Variants in ADAMTSL1 observed in about 807,000 individuals in gnomAD.
The protein encoded by ADAMTSL1 is ADAMTS like 1.
ADAMTSL1 carries 126 observed loss-of-function variants against 201.8 expected under a neutral mutation model. The ratio of observed to expected loss-of-function variants is 0.62; its 90% CI spans 0.54 to 0.72. ADAMTSL1 has a LOEUF of 0.72. Ranked by LOEUF, ADAMTSL1 falls within the 30% of genes least tolerant of loss-of-function variation. The pLI is 0.00. For synonymous variants in ADAMTSL1, 1,121 were observed against 903.4 expected (o/e 1.24, Z -4.32); for missense variants, 2,679 against 2,277.8 (o/e 1.18, Z -3.59).
chr9:18,804,214 G>A (rs1174110085), intron 20 of ADAMTSL1, among the ~76,000 whole-genome samples: 3 of 152,144 alleles, frequency 2.0e-5, no homozygotes, highest in African/African-American at 4.8e-5. Context: ...GTTGAAAATT[G>A]ACTCTGTTGT....
At chr9:18,694,167 T>A (rs1170321051) in intron 13 of ADAMTSL1, among the ~76,000 whole-genome samples, 3 of 152,118 alleles carry the variant, frequency 2.0e-5, no homozygotes, top group Admixed American at 6.6e-5. Context: ...GTCCCCATGA[T>A]GTAATCACCT....
Position 18,827,170 on chromosome 9 carries a change from A to AAAAC in ADAMTSL1, c.4114+710_4114+711insCAAA, listed in dbSNP as rs1554643646. ...TGCTAGGGAGATAAAGTTAAAAAAAAAAAAAAATTTTTTTTGGCTTTCTCA... is the reference window on the plus strand; with the variant it reads ...TGCTAGGGAGATAAAGTTAAAAAAAAAAACAAAAAAATTTTTTTTGGCTTTCTCA... On this transcript the variant is annotated intron_variant, in intron 22 of 28. Coordinates refer to ENST00000380548, the MANE Select transcript of ADAMTSL1 (RefSeq NM_001040272.6). Among the ~76,000 whole-genome samples the AAAAC allele has an allele frequency of 5.6e-3, 846 of 150,858 alleles. 14 individuals are homozygous for AAAAC. Among genetic ancestry groups the AAAAC allele is most frequent in the African/African-American group, 0.02 (799 of 40,918 alleles).
intron 1 of ADAMTSL1, among the ~76,000 whole-genome samples, chr9:17,929,493 G>C (rs887771549): frequency 6.6e-6 from 1 of 152,000 alleles, no homozygotes; most frequent in Non-Finnish European, 1.5e-5. Flanking sequence ...GCCTGATCCA[G>C]CCCCTGCCTA....
chr9:18,575,458 T>C (rs768093773), intron 4 of ADAMTSL1, among the ~76,000 whole-genome samples: 3 of 152,230 alleles, frequency 2.0e-5, no homozygotes, highest in Non-Finnish European at 2.9e-5. Context: ...GAAAGGGCCT[T>C]AGAGTTATTC....
chr9:18,828,985 G>T (rs1435541551), intron 22 of ADAMTSL1, among the ~76,000 whole-genome samples: 1 of 151,848 alleles, frequency 6.6e-6, no homozygotes, highest in African/African-American at 2.4e-5. Context: ...GTGCTCTGGA[G>T]AAAAAGGTGG....
chr9:18,289,949 C>T (rs914364668), intron 2 of ADAMTSL1, among the ~76,000 whole-genome samples: 2 of 152,120 alleles, frequency 1.3e-5, no homozygotes, highest in African/African-American at 4.8e-5. Context: ...TTTTTACCCT[C>T]TGGAGTGTGT....
chr9:18,234,443 A>T (rs766930191), intron 2 of ADAMTSL1, among the ~76,000 whole-genome samples: 1 of 152,196 alleles, frequency 6.6e-6, no homozygotes, highest in Admixed American at 6.5e-5. Context: ...TGCTGCTCTG[A>T]TGTTGTTTAA....
chr9:18,422,208 T>C (rs187593157), intron 2 of ADAMTSL1, among the ~76,000 whole-genome samples: 1 of 152,266 alleles, frequency 6.6e-6, no homozygotes, highest in Non-Finnish European at 1.5e-5. Flanking sequence ...CAAGCCACCT[T>C]AAACATGGAA....
At chr9:18,530,074 A>G (rs1292464169) in intron 2 of ADAMTSL1, among the ~76,000 whole-genome samples, 2 of 152,168 alleles carry the variant, frequency 1.3e-5, no homozygotes, top group Non-Finnish European at 2.9e-5. Context: ...CTATTGAAAC[A>G]AGTATTTTTC....
chr9:18,788,163 C>T (rs1390030822), intron 19 of ADAMTSL1, among the ~76,000 whole-genome samples: 3 of 152,118 alleles, frequency 2.0e-5, no homozygotes, highest in Non-Finnish European at 4.4e-5. Flanking sequence ...CTTCATGAAC[C>T]TCAAATCTGT....
At chr9:18,153,377 C>G (rs965430686) in intron 1 of ADAMTSL1, among the ~76,000 whole-genome samples, 7 of 152,012 alleles carry the variant, frequency 4.6e-5, no homozygotes, top group African/African-American at 1.7e-4. Context: ...TTCTAAGCCT[C>G]TAATTCTAAA....
chr9:18,175,176 A>G (rs1828085988), intron 2 of ADAMTSL1, among the ~76,000 whole-genome samples: 2 of 152,230 alleles, frequency 1.3e-5, no homozygotes, highest in African/African-American at 2.4e-5. Context: ...TAGGCAAGTC[A>G]TAGAACTCTT....
At chr9:18,680,620 A>G (rs750547277) in intron 11 of ADAMTSL1, 104 bp downstream of exon 11, 22 of 1,307,376 alleles carry the variant, frequency 1.7e-5, no homozygotes, top group Admixed American at 7.2e-5. Context: ...ACTCTTCTTG[A>G]GGTGTCTAGA....
At position 18,810,645 on chromosome 9, in the gene ADAMTSL1, T is replaced by G. The variant is rs141880563; in HGVS notation, c.3806-6464T>G. Among the ~76,000 whole-genome samples, 374 of 152,298 alleles carry G rather than the reference T, an allele frequency of 2.5e-3. 6 individuals carry two copies. In the East Asian group the frequency reaches 0.062, roughly 25 times the overall value. On this transcript the variant is annotated intron_variant, in intron 20 of 28. Transcript: ENST00000380548. ...CTTGGGTTATATGAATATGATCTCA[T>G]GGGGACCCAACTTCCCCAAGGTGTT...
intron 1 of ADAMTSL1, among the ~76,000 whole-genome samples, chr9:18,129,985 C>T (rs866304039): frequency 2.6e-5 from 4 of 152,162 alleles, no homozygotes; most frequent in Non-Finnish European, 4.4e-5. Context: ...CTACATCAGT[C>T]GCATGCACTG....
rs966401591 is a variant in ADAMTSL1 at position 18,908,471 on chromosome 9, G to C, written c.5212G>C (p.Glu1738Gln). ...MECRDTTRYC[E>Q]KVKQLKLCQL... ...GTGCAGAGACACCACCAGGTACTGC[G>C]AGAAGGTGAAACAGCTGAAACTCTG... Residue 1738 changes from glutamate (E) to glutamine (Q), a missense_variant, in exon 29 of 29, where the codon GAG (glutamate) becomes CAG (glutamine). Coordinates refer to ENST00000380548, the MANE Select transcript of ADAMTSL1 (RefSeq NM_001040272.6). 1.9e-6 allele frequency: 3 copies of C among 1,562,234 alleles called. No homozygotes were observed. Among genetic ancestry groups the C allele is most frequent in the Admixed American group, 3.8e-5 (2 of 52,220 alleles).
rs564191211 is a variant in ADAMTSL1, at chr9:18,273,324, G to A, written c.207+109343G>A. ...TCAAACTCCCAACCTCAAGTGATCC[G>A]CCCGCGTTGGCCTCTCAAAGTGCTG... is the stretch of plus-strand genomic sequence containing the variant. On this transcript the variant is annotated intron_variant, in intron 2 of 29. Coordinates refer to the ADAMTSL1 transcript ENST00000680146. Among the ~76,000 whole-genome samples the A allele has an allele frequency of 6.4e-5, 6 of 93,822 alleles. No homozygotes were observed. In the East Asian group the frequency reaches 8.0e-4, roughly 12 times the overall value. 61.6% of individuals were successfully genotyped at this position (93,822 alleles called of 152,430 possible).
At chr9:18,757,531 A>T (rs1819843278) in intron 16 of ADAMTSL1, among the ~76,000 whole-genome samples, 1 of 151,906 alleles carries the variant, frequency 6.6e-6, no homozygotes, top group Admixed American at 6.6e-5. Flanking sequence ...CCCTCTGCGC[A>T]TCTGTCCCTG....
At chr9:18,033,758 C>A in intron 1 of ADAMTSL1, among the ~76,000 whole-genome samples, 1 of 152,338 alleles carries the variant, frequency 6.6e-6, no homozygotes, top group African/African-American at 2.4e-5. Context: ...ATACTATAAT[C>A]AGCATCTACT....
Sources: allele counts gnomAD v4.1 joint callset (sites outside exome capture counted in the v4.1 genomes callset), GRCh38; gene constraint gnomAD v4.1.1; transcripts MANE v1.5; gene names NCBI Gene and HGNC (gene_info 2026-07-23, HGNC 2026-07-21).